CDH23: variants seen among roughly 807,000 people sequenced by gnomAD.
CDH23 encodes the protein cadherin related 23.
A neutral mutation model predicts 317.1 loss-of-function variants in CDH23; 189 were observed. The ratio of observed to expected loss-of-function variants is 0.60; its 90% CI spans 0.53 to 0.67. CDH23 has a LOEUF of 0.67. Ranked by LOEUF, CDH23 falls within the 30% of genes least tolerant of loss-of-function variation. The pLI is 0.00. For missense variants in CDH23, 4,401 were observed against 4,592.4 expected, an observed-to-expected ratio of 0.96 and a Z score of 1.20; for synonymous variants, 1,839 against 1,876.8, an observed-to-expected ratio of 0.98 and a Z score of 0.52.
At chr10:71,715,617 C>T (rs1866179306) in intron 28 of CDH23, 1 of 250,696 alleles carries the variant, frequency 4.0e-6, no homozygotes, top group Non-Finnish European at 7.6e-6. Flanking sequence ...GGTGCTGCTT[C>T]TAGGAGGTGG....
At chr10:71,412,826 G>C (rs145538740) in intron 1 of CDH23, among the ~76,000 whole-genome samples, 1 of 152,114 alleles carries the variant, frequency 6.6e-6, no homozygotes, top group Non-Finnish European at 1.5e-5. Context: ...TTTGAATTGG[G>C]TTGTTTGTCT....
At chr10:71,429,219 G>A (rs1849254268) in intron 1 of CDH23, among the ~76,000 whole-genome samples, 1 of 152,180 alleles carries the variant, frequency 6.6e-6, no homozygotes, top group Admixed American at 6.5e-5. Context: ...TTATGTGTCA[G>A]GGGTCAGCTG....
chr10:71,697,564 T>C (rs1363684765), intron 22 of CDH23, among the ~76,000 whole-genome samples: 3 of 151,854 alleles, frequency 2.0e-5, no homozygotes, highest in Non-Finnish European at 4.4e-5. Flanking sequence ...TCCCAGATAC[T>C]CAGGAGGCTA....
chr10:71,475,903 A>G (rs757987183), intron 3 of CDH23, among the ~76,000 whole-genome samples: 8 of 152,168 alleles, frequency 5.3e-5, no homozygotes, highest in African/African-American at 9.7e-5. Flanking sequence ...CTCTGGCTCC[A>G]TTTCCCATCT....
chr10:71,511,383 C>T (rs1477730723), intron 6 of CDH23, among the ~76,000 whole-genome samples, 171 bp downstream of exon 6: 2 of 152,140 alleles, frequency 1.3e-5, no homozygotes, highest in Non-Finnish European at 2.9e-5. Context: ...CCCTGGGAAT[C>T]GGGGCCCAGC....
At chr10:71,706,599 G>T (rs1213024764) in intron 25 of CDH23, among the ~76,000 whole-genome samples, 1 of 152,242 alleles carries the variant, frequency 6.6e-6, no homozygotes, top group Non-Finnish European at 1.5e-5. Flanking sequence ...TGTTAGGTGC[G>T]TACTGGAGAG....
At chr10:71,780,325 G>C (rs1009031894) in intron 41 of CDH23, among the ~76,000 whole-genome samples, 8 of 152,198 alleles carry the variant, frequency 5.3e-5, no homozygotes, top group African/African-American at 1.9e-4. Flanking sequence ...AGATGACTTA[G>C]TATACTGGGA....
chr10:71,790,160 C>G (rs889088815), intron 45 of CDH23, 128 bp from the exon 46 acceptor site: 106 of 1,327,274 alleles, frequency 8.0e-5, no homozygotes, highest in Non-Finnish European at 9.6e-5. Context: ...AGGGCCTCCC[C>G]ACCCTGTCCA....
At chr10:71,676,105 A>G (rs1864357117) in intron 15 of CDH23, among the ~76,000 whole-genome samples, 1 of 150,348 alleles carries the variant, frequency 6.7e-6, no homozygotes. Flanking sequence ...ATGGGGTTTC[A>G]CCATGTTGGC....
At chr10:71,787,772 T>A (rs928207161) in intron 44 of CDH23, among the ~76,000 whole-genome samples, 1 of 152,256 alleles carries the variant, frequency 6.6e-6, no homozygotes, top group Non-Finnish European at 1.5e-5. Context: ...CCACATTTTC[T>A]TTAGTCAGTC....
chr10:71,655,858 G>A (rs1665729), intron 14 of CDH23, among the ~76,000 whole-genome samples: 2 of 151,750 alleles, frequency 1.3e-5, no homozygotes, highest in African/African-American at 2.4e-5. Flanking sequence ...CATCGGCAAC[G>A]GAGATGTTTG....
chr10:71,590,873 T>TAAAAAAAAAA (rs71018215), intron 9 of CDH23, among the ~76,000 whole-genome samples: 2 of 72,296 alleles, frequency 2.8e-5, no homozygotes, highest in East Asian at 3.0e-4. Context: ...ACCCTGTCTC[T>TAAAAAAAAAA]AAAAAAAAAA....
At chr10:71,612,079 G>A (rs1050594355) in intron 9 of CDH23, among the ~76,000 whole-genome samples, 5 of 152,124 alleles carry the variant, frequency 3.3e-5, no homozygotes, top group Non-Finnish European at 5.9e-5. Context: ...ACATCTTACC[G>A]AGCATCTCAC....
intron 3 of CDH23, among the ~76,000 whole-genome samples, chr10:71,475,124 TGG>T (rs1202399920): frequency 6.6e-6 from 1 of 152,196 alleles, no homozygotes; most frequent in East Asian, 1.9e-4. Flanking sequence ...GAGTAGCTGC[TGG>T]TCAGAGCTGT....
intron 9 of CDH23, among the ~76,000 whole-genome samples, chr10:71,580,918 G>A (rs1457015868): frequency 1.3e-5 from 2 of 152,046 alleles, no homozygotes; most frequent in African/African-American, 4.8e-5. Context: ...TCCTCAGCAT[G>A]AGCCTAAAGC....
rs1403470484 is a variant in CDH23, at chr10:71,785,054, AC to A, written c.5667del (p.Asn1889LysfsTer22). 11 of 1,613,966 alleles carry A rather than the reference AC, an allele frequency of 6.8e-6. No homozygotes were observed. Among genetic ancestry groups the A allele is most frequent in the Non-Finnish European group, 9.3e-6 (11 of 1,179,910 alleles). On this transcript the variant is annotated frameshift_variant, in exon 43 of 70. Coordinates refer to ENST00000224721, the MANE Select transcript of CDH23 (RefSeq NM_022124.6). LOFTEE classifies it high-confidence loss of function. Reference protein sequence around the residue: ...DSGCNARLTFNITAGNRERAF... With the variant: ...DSGCNARLTFXITAGNRERAF... ...GGCTGCAATGCACGCCTCACCTTCA[AC>A]ATCACTGCGGGCAACCGCGAGCGGG...
In CDH23 at chr10:71,785,626, C is replaced by T. The variant is rs570844723; in HGVS notation, c.5713-5C>T. 20 of 1,576,526 alleles carry T rather than the reference C, an allele frequency of 1.3e-5. No individual in the cohort carries two copies. The Admixed American group carries it at 3.4e-4, about 27-fold the overall frequency. On this transcript the variant is annotated splice_region_variant and splice_polypyrimidine_tract_variant and intron_variant, in intron 43 of 69. Transcript: ENST00000224721. ...CCATGCAGCTCACCACCCTCCACAT[C>T]CCAGACAGGGATCGTCACTGTGAAC...
rs1181745994 is a variant in CDH23, at chr10:71,734,348, G to A, written c.4206+7G>A. On this transcript the variant is annotated splice_region_variant and intron_variant, in intron 33 of 69. Coordinates refer to ENST00000224721, the MANE Select transcript of CDH23 (RefSeq NM_022124.6). ...CAAGGTGGACTCCACCGTGGTGAGTGGGACCAGGGTGAGAGTCCCTCAGGT... is the reference window on the plus strand; with the variant it reads ...CAAGGTGGACTCCACCGTGGTGAGTAGGACCAGGGTGAGAGTCCCTCAGGT... 2 of 1,600,986 alleles carry A rather than the reference G, an allele frequency of 1.2e-6. No homozygotes were observed. The highest frequency in any genetic ancestry group is 1.7e-6 in the Non-Finnish European group (2 of 1,173,132).
At chr10:71,809,721 T>C (rs1010990811) in intron 60 of CDH23, 99 bp from the exon 61 acceptor site, 1 of 1,504,534 alleles carries the variant, frequency 6.6e-7, no homozygotes, top group Middle Eastern at 1.8e-4. Context: ...TTGTGCCGCC[T>C]CCCCTAGATG....
Sources: allele counts gnomAD v4.1 joint callset (sites outside exome capture counted in the v4.1 genomes callset), GRCh38; gene constraint gnomAD v4.1.1; transcripts MANE v1.5; gene names NCBI Gene and HGNC (gene_info 2026-07-23, HGNC 2026-07-21).